Variants in RBFOX2 observed in about 807,000 individuals in gnomAD.
RBFOX2 encodes the protein RNA binding fox-1 homolog 2, also known as RNA binding protein fox-1 homolog 2.
In RBFOX2, 10 loss-of-function variants were observed where a neutral mutation model predicts 49.1. That is an observed-to-expected ratio of 0.20 (90% CI 0.13 to 0.35). The LOEUF (loss-of-function observed/expected upper bound fraction) is 0.35, where lower values mean the gene tolerates loss of function less well. RBFOX2 is among the 10% of genes least tolerant of loss of function. The pLI, the probability that RBFOX2 is intolerant of heterozygous loss-of-function variation, is 1.00. For synonymous variants in RBFOX2, 183 were observed against 187.4 expected (o/e 0.98, Z 0.19); for missense variants, 323 against 486.9 (o/e 0.66, Z 3.17).
In RBFOX2 at chr22:35,946,797, T is replaced by C. The variant is rs540308329; in HGVS notation, c.43-7900A>G. Reference sequence around the variant, plus strand: ...AGAATGAATGAGAATACCTCTAAAGTGACCAAAGAAACTCTGCCTTTTGTG... The same window carrying C: ...AGAATGAATGAGAATACCTCTAAAGCGACCAAAGAAACTCTGCCTTTTGTG... On this transcript the variant is annotated intron_variant, in intron 1 of 5. Coordinates refer to the RBFOX2 transcript ENST00000408983. Among the ~76,000 whole-genome samples, 12 of 152,336 alleles carry C rather than the reference T, an allele frequency of 7.9e-5. No homozygotes were observed. The South Asian group carries it at 2.3e-3, about 29-fold the overall frequency.
chr22:35,873,632 G>A (rs1444277033), intron 1 of RBFOX2, among the ~76,000 whole-genome samples: 1 of 152,026 alleles, frequency 6.6e-6, no homozygotes, highest in African/African-American at 2.4e-5. Context: ...AGTCAACTCT[G>A]TAGTTTGTTG....
intron 1 of RBFOX2, among the ~76,000 whole-genome samples, chr22:35,947,714 A>G (rs1289296568): frequency 6.6e-6 from 1 of 150,862 alleles, no homozygotes; most frequent in Non-Finnish European, 1.5e-5. Context: ...AAAAATCTTA[A>G]AAAAACCTTA....
chr22:35,826,886 G>A (rs1249323472), intron 1 of RBFOX2, among the ~76,000 whole-genome samples: 1 of 152,008 alleles, frequency 6.6e-6, no homozygotes, highest in Non-Finnish European at 1.5e-5. Context: ...CCTCCTTCTC[G>A]CTCTCTCTCA....
At chr22:35,865,262 C>T (rs910731287) in intron 1 of RBFOX2, among the ~76,000 whole-genome samples, 3 of 152,094 alleles carry the variant, frequency 2.0e-5, no homozygotes, top group Non-Finnish European at 4.4e-5. Flanking sequence ...GGATTAAACC[C>T]TAAATCCTAG....
At chr22:35,886,461 G>A (rs978878429) in intron 1 of RBFOX2, among the ~76,000 whole-genome samples, 1 of 152,180 alleles carries the variant, frequency 6.6e-6, no homozygotes, top group African/African-American at 2.4e-5. Flanking sequence ...CACACATCCT[G>A]TGAAATGTGT....
chr22:35,829,648 A>G (rs964257313), intron 1 of RBFOX2, among the ~76,000 whole-genome samples: 2 of 152,224 alleles, frequency 1.3e-5, no homozygotes, highest in Non-Finnish European at 2.9e-5. Context: ...GATCTGCTAT[A>G]TATCTGCGAT....
At chr22:35,810,711 A>G (rs1951709737) in intron 1 of RBFOX2, among the ~76,000 whole-genome samples, 1 of 152,370 alleles carries the variant, frequency 6.6e-6, no homozygotes, top group Non-Finnish European at 1.5e-5. Context: ...TTATTATGAT[A>G]TAACTGTCAT....
intron 1 of RBFOX2, among the ~76,000 whole-genome samples, chr22:36,015,135 G>C (rs1157794560): frequency 2.0e-5 from 3 of 152,160 alleles, no homozygotes; most frequent in Non-Finnish European, 4.4e-5. Flanking sequence ...TTTTGAGTAT[G>C]ACCAGCATTA....
chr22:35,798,429 C>G, intron 2 of RBFOX2, among the ~76,000 whole-genome samples: 1 of 152,222 alleles, frequency 6.6e-6, no homozygotes, highest in African/African-American at 2.4e-5. Flanking sequence ...ATAATGCAGG[C>G]TCTTGGGGCC....
At chr22:35,955,262 C>G (rs1233266929) in intron 1 of RBFOX2, among the ~76,000 whole-genome samples, 1 of 152,218 alleles carries the variant, frequency 6.6e-6, no homozygotes, top group Non-Finnish European at 1.5e-5. Flanking sequence ...CTCCAAAGAG[C>G]TTTTGCTTCT....
chr22:35,766,784 A>G (rs1367451535), intron 5 of RBFOX2, among the ~76,000 whole-genome samples: 1 of 152,208 alleles, frequency 6.6e-6, no homozygotes, highest in Non-Finnish European at 1.5e-5. Flanking sequence ...CAGCTGCTGG[A>G]GCAGAAAGCA....
intron 1 of RBFOX2, among the ~76,000 whole-genome samples, chr22:35,960,685 T>C (rs900774583): frequency 2.0e-5 from 3 of 152,140 alleles, no homozygotes; most frequent in Admixed American, 6.6e-5. Flanking sequence ...GGGTAAAAGC[T>C]CACCATTTGA....
At chr22:35,995,843 AC>A (rs1351111042) in intron 1 of RBFOX2, 1 of 152,316 alleles carries the variant, frequency 6.6e-6, no homozygotes. Context: ...GGACTAATAC[AC>A]CAACAAGAAA....
upstream of RBFOX2, among the ~76,000 whole-genome samples, chr22:35,842,432 CAGA>C (rs1275257531): frequency 1.3e-5 from 2 of 152,054 alleles, no homozygotes; most frequent in African/African-American, 4.8e-5. Flanking sequence ...AAAAGCCAAT[CAGA>C]AGGAGATAAA....
intron 2 of RBFOX2, among the ~76,000 whole-genome samples, chr22:35,788,053 T>A (rs904686391): frequency 6.6e-6 from 1 of 152,204 alleles, no homozygotes; most frequent in African/African-American, 2.4e-5. Flanking sequence ...CAAACTAGAA[T>A]TTTAAGTCTC....
At chr22:36,027,593 G>A (rs929362820) in intron 1 of RBFOX2, among the ~76,000 whole-genome samples, 10 of 152,108 alleles carry the variant, frequency 6.6e-5, no homozygotes, top group Admixed American at 6.6e-4. Context: ...GCAAAGAACA[G>A]GAGGGACATG....
chr22:36,000,933 G>A (rs760010293), intron 1 of RBFOX2, among the ~76,000 whole-genome samples: 1 of 152,022 alleles, frequency 6.6e-6, no homozygotes, highest in Admixed American at 6.6e-5. Flanking sequence ...AGATCATCTT[G>A]ATCTAACCCT....
intron 1 of RBFOX2, among the ~76,000 whole-genome samples, chr22:35,857,493 C>T (rs2042644491): frequency 6.6e-6 from 1 of 152,194 alleles, no homozygotes. Flanking sequence ...AAGAATAACA[C>T]TGCTAATACA....
At chr22:36,018,227 C>G (rs1009099056) in intron 1 of RBFOX2, among the ~76,000 whole-genome samples, 1 of 152,156 alleles carries the variant, frequency 6.6e-6, no homozygotes, top group Non-Finnish European at 1.5e-5. Context: ...AAGTATTAAT[C>G]TAAAAAGTCC....
Sources: allele counts gnomAD v4.1 joint callset (sites outside exome capture counted in the v4.1 genomes callset), GRCh38; gene constraint gnomAD v4.1.1; transcripts MANE v1.5; gene names NCBI Gene and HGNC (gene_info 2026-07-23, HGNC 2026-07-21).